The following ENAH variants were observed in gnomAD, a reference collection of about 807,000 sequenced individuals.
ENAH encodes the protein protein enabled homolog.
A neutral mutation model predicts 78.7 loss-of-function variants in ENAH; 23 were observed. That is an observed-to-expected ratio of 0.29 (90% CI 0.21 to 0.41). The LOEUF (loss-of-function observed/expected upper bound fraction) is 0.41. Among genes scored for constraint, ENAH ranks in the 10% least tolerant of loss-of-function variants. The pLI, the probability that ENAH is intolerant of heterozygous loss-of-function variation, is 1.00. For missense variants in ENAH, 544 were observed against 691.0 expected, an observed-to-expected ratio of 0.79 and a Z score of 2.39; for synonymous variants, 226 against 241.0, an observed-to-expected ratio of 0.94 and a Z score of 0.58.
rs947210682 is a variant in ENAH, at chr1:225,495,378, A to G, written c.*2397T>C. ...CTGTCATGTATGATAGCAAATGTAT[A>G]TAATAATTCATTCAGACTTCTTGGA... On this transcript the variant is annotated 3_prime_UTR_variant, in exon 14 of 14. Transcript: ENST00000366843. 7 of 152,498 alleles carry G rather than the reference A, an allele frequency of 4.6e-5. No individual in the cohort carries two copies. The highest frequency in any genetic ancestry group is 1.7e-4 in the African/African-American group (7 of 41,388). 9.4% of individuals were successfully genotyped at this position (152,498 alleles called of 1,614,324 possible).
chr1:225,508,549 T>TTG (rs1331227872), intron 10 of ENAH: 1 of 152,266 alleles, frequency 6.6e-6, no homozygotes. Context: ...TGAAATTCTA[T>TTG]TGTACTTCCT....
At chr1:225,574,498 A>G (rs980148660) in intron 1 of ENAH, among the ~76,000 whole-genome samples, 3 of 152,026 alleles carry the variant, frequency 2.0e-5, no homozygotes, top group African/African-American at 7.2e-5. Context: ...GCTACTTGGG[A>G]GGCTGAGACA....
In ENAH at chr1:225,497,534, A is replaced by G. The variant is rs192876284; in HGVS notation, c.*241T>C. On this transcript the variant is annotated 3_prime_UTR_variant, in exon 14 of 14. Coordinates refer to ENST00000366843, the MANE Select transcript of ENAH (RefSeq NM_018212.6). The stretch of plus-strand genomic sequence containing the variant: ...GCATAACTGTTACAGGAACTCTTAA[A>G]TGATTCTCTTCCATTCTGTTGTAAA... 233 of 347,980 alleles carry G rather than the reference A, an allele frequency of 6.7e-4. No homozygotes were observed. The highest frequency in any genetic ancestry group is 1.1e-3 in the Non-Finnish European group (200 of 190,256). 21.6% of individuals were successfully genotyped at this position (347,980 alleles called of 1,614,324 possible).
chr1:225,634,362 GT>G (rs1659664075), intron 1 of ENAH, among the ~76,000 whole-genome samples: 1 of 152,156 alleles, frequency 6.6e-6, no homozygotes, highest in Non-Finnish European at 1.5e-5. Context: ...ATTTAAAGAG[GT>G]TCTCCAAGAG....
intron 1 of ENAH, among the ~76,000 whole-genome samples, chr1:225,608,430 T>G (rs2096968856): frequency 6.7e-6 from 1 of 148,752 alleles, no homozygotes; most frequent in Non-Finnish European, 1.5e-5. Flanking sequence ...AAACAAAGAC[T>G]CACATTAAGA....
At chr1:225,530,778 C>T (rs749156957) in intron 3 of ENAH, 140 bp from the exon 4 acceptor site, 15 of 651,326 alleles carry the variant, frequency 2.3e-5, no homozygotes, top group Non-Finnish European at 3.5e-5. Flanking sequence ...AAAATATAAG[C>T]TTTACATAAC....
intron 4 of ENAH, among the ~76,000 whole-genome samples, chr1:225,528,773 C>A (rs2096523990): frequency 6.6e-6 from 1 of 152,072 alleles, no homozygotes; most frequent in Non-Finnish European, 1.5e-5. Flanking sequence ...ACTTACATGT[C>A]CAGTAAAAAT....
At chr1:225,545,269 C>G (rs982802172) in intron 3 of ENAH, among the ~76,000 whole-genome samples, 1 of 152,162 alleles carries the variant, frequency 6.6e-6, no homozygotes, top group Non-Finnish European at 1.5e-5. Flanking sequence ...CTTTGCTAGG[C>G]TGTTTGGAAA....
At chr1:225,519,640 T>C (rs1016645727) in intron 4 of ENAH, 75 bp from the exon 5 acceptor site, 5 of 1,532,294 alleles carry the variant, frequency 3.3e-6, no homozygotes, top group African/African-American at 2.8e-5. Flanking sequence ...TTTTCACCTA[T>C]GTAAACTATT....
chr1:225,560,248 T>C (rs980358134), intron 2 of ENAH, among the ~76,000 whole-genome samples: 5 of 152,062 alleles, frequency 3.3e-5, no homozygotes, highest in African/African-American at 1.2e-4. Flanking sequence ...TTCCAGCACT[T>C]TGGGAGGCTG....
intron 1 of ENAH, among the ~76,000 whole-genome samples, chr1:225,637,170 G>A (rs769254621): frequency 2.0e-5 from 3 of 152,090 alleles, no homozygotes; most frequent in Non-Finnish European, 2.9e-5. Context: ...CAGGGTGCAG[G>A]GGAAGGTTTC....
intron 1 of ENAH, among the ~76,000 whole-genome samples, chr1:225,603,401 G>T (rs966606268): frequency 2.0e-5 from 3 of 152,040 alleles, no homozygotes; most frequent in East Asian, 3.8e-4. Flanking sequence ...ATGGTAATTT[G>T]CAGCTTCTAT....
chr1:225,630,782 A>T (rs1658871513), intron 1 of ENAH, among the ~76,000 whole-genome samples: 3 of 152,330 alleles, frequency 2.0e-5, no homozygotes, highest in South Asian at 4.1e-4. Flanking sequence ...AAATAAATTT[A>T]AAAATAATAT....
At chr1:225,552,474 C>T (rs2096646172) in intron 3 of ENAH, among the ~76,000 whole-genome samples, 1 of 152,118 alleles carries the variant, frequency 6.6e-6, no homozygotes, top group South Asian at 2.1e-4. Flanking sequence ...CATGCTTCTA[C>T]TTCCACACTA....
At position 225,515,049 on chromosome 1, in the gene ENAH, G is replaced by C. The variant is rs1298484389; in HGVS notation, c.914-149C>G. The C allele has an allele frequency of 4.1e-6, 3 of 729,458 alleles. No individual in the cohort carries two copies. In the African/African-American group the frequency reaches 5.5e-5, roughly 13 times the overall value. The allele number at this position is 729,458 out of a possible 1,614,324, so 45.2% of individuals were successfully genotyped here. Reference sequence around the variant, plus strand: ...AATTTATCATAGTTGTAAAAGTCTAGATCAGTTTTTGAAAGATACTGAAAT... The same window carrying C: ...AATTTATCATAGTTGTAAAAGTCTACATCAGTTTTTGAAAGATACTGAAAT... On this transcript the variant is annotated intron_variant, in intron 6 of 13. Transcript: ENST00000366843.
chr1:225,574,320 G>A (rs1160275830), intron 1 of ENAH, among the ~76,000 whole-genome samples: 1 of 152,158 alleles, frequency 6.6e-6, no homozygotes, highest in African/African-American at 2.4e-5. Flanking sequence ...AAGATTGTGG[G>A]CCAGGCGCGG....
intron 13 of ENAH, 142 bp downstream of exon 13, chr1:225,498,205 A>C: frequency 4.5e-6 from 3 of 662,698 alleles, no homozygotes; most frequent in Non-Finnish European, 5.2e-6. Flanking sequence ...CTCCTCCCCA[A>C]AACCCTAATC....
At chr1:225,631,274 G>A (rs1365899292) in intron 1 of ENAH, among the ~76,000 whole-genome samples, 8 of 152,048 alleles carry the variant, frequency 5.3e-5, no homozygotes, top group African/African-American at 9.7e-5. Context: ...TGAGAAGTAT[G>A]CAAAACAAAT....
At chr1:225,511,767 T>C (rs1220413515) in intron 10 of ENAH, 44 bp downstream of exon 10, 1 of 1,416,990 alleles carries the variant, frequency 7.1e-7, no homozygotes, top group South Asian at 1.2e-5. Flanking sequence ...GTATTAATAT[T>C]TAGAGAAAGT....
Sources: gnomAD v4.1 joint callset for allele counts (sites outside exome capture counted in the v4.1 genomes callset) on GRCh38, gnomAD v4.1.1 for gene constraint, MANE v1.5 for transcripts, NCBI Gene and HGNC (gene_info 2026-07-23, HGNC 2026-07-21) for gene names.